The following CABIN1 variants were observed in gnomAD, a reference collection of about 807,000 sequenced individuals.
The protein encoded by CABIN1 is calcineurin binding protein 1, also known as calcineurin-binding protein cabin-1.
Under a neutral mutation model 227.7 loss-of-function variants are expected in CABIN1, and 133 were observed. The observed-to-expected ratio is 0.58, with a 90% CI of 0.51 to 0.67. The LOEUF (loss-of-function observed/expected upper bound fraction) is 0.67. Ranked by LOEUF, CABIN1 falls within the 30% of genes least tolerant of loss-of-function variation. CABIN1 has a pLI of 0.00. For synonymous variants in CABIN1, 1,086 were observed against 1,155.1 expected (o/e 0.94, Z 1.21); for missense variants, 2,408 against 2,852.5 (o/e 0.84, Z 3.55).
At position 24,064,080 on chromosome 22, in the gene CABIN1, A is replaced by G; in HGVS notation, c.1930A>G (p.Met644Val). Residue 644 changes from methionine to valine, a missense_variant, in exon 15 of 37, where the codon ATG becomes GTG. Around this residue, in one of 3 missense-constraint regions of CABIN1, gnomAD observed 1,045 missense variants for 1,168.4 expected, o/e 0.89. Coordinates refer to ENST00000263119, the MANE Select transcript of CABIN1 (RefSeq NM_012295.4). ...GGAGAACTATGACATCTGCACAGAA[A>G]TGCTCCAGAGTTCCACCGCCATCCA... is the stretch of plus-strand genomic sequence containing the variant. ...ALENYDICTEMLQSSTAIQVE... is the reference protein window; with the variant it reads ...ALENYDICTEVLQSSTAIQVE... 6.2e-7 allele frequency: 1 copy of G among 1,614,216 alleles called. No homozygotes were observed. The highest frequency in any genetic ancestry group is 8.5e-7 in the Non-Finnish European group (1 of 1,180,028).
At chr22:24,075,878 A>T (rs762526248) in intron 18 of CABIN1, among the ~76,000 whole-genome samples, 1 of 152,170 alleles carries the variant, frequency 6.6e-6, no homozygotes, top group Non-Finnish European at 1.5e-5. Context: ...GGTTCACCAG[A>T]TGTCAGCATT....
At chr22:24,056,563 C>T in intron 10 of CABIN1, 2 of 596,086 alleles carry the variant, frequency 3.4e-6, no homozygotes, top group Non-Finnish European at 5.9e-6. Context: ...TCTGAAATTC[C>T]TGAAGTCAGG....
rs1458649377 is a variant in CABIN1 at position 24,087,480 on chromosome 22, G to A, written c.3292G>A (p.Ala1098Thr). 1 of 1,613,980 alleles carries A rather than the reference G, an allele frequency of 6.2e-7. No individual in the cohort carries two copies. The highest frequency in any genetic ancestry group is 1.7e-5 in the Admixed American group (1 of 60,026). Residue 1098 changes from alanine (A) to threonine (T), a missense_variant, in exon 23 of 37, where the codon GCC (alanine) becomes ACC (threonine). Transcript: ENST00000263119. ...RFDSWAGMAL[A>T]RASRIQDKLN... The stretch of plus-strand genomic sequence containing the variant: ...TGATTCCTGGGCAGGCATGGCTCTG[G>A]CCCGGGCCAGCCGCATTCAGGACAA...
chr22:24,126,648 T>C (rs1602231176), intron 28 of CABIN1, among the ~76,000 whole-genome samples: 1 of 152,238 alleles, frequency 6.6e-6, no homozygotes, highest in African/African-American at 2.4e-5. Context: ...TCAGAGGCTT[T>C]CAGGGCAAGT....
At chr22:24,090,749 TCA>T (rs2041492245) in intron 23 of CABIN1, among the ~76,000 whole-genome samples, 1 of 152,058 alleles carries the variant, frequency 6.6e-6, no homozygotes, top group Non-Finnish European at 1.5e-5. Flanking sequence ...TCATCCCCTC[TCA>T]CTGGCCCCTG....
chr22:24,061,393 T>G (rs970042844), intron 12 of CABIN1, among the ~76,000 whole-genome samples: 7 of 152,240 alleles, frequency 4.6e-5, no homozygotes, highest in African/African-American at 1.7e-4. Context: ...AGTCATCCCT[T>G]GGTGGGCACC....
At chr22:24,154,773 TG>T (rs1343563314) in intron 29 of CABIN1, among the ~76,000 whole-genome samples, 1 of 152,140 alleles carries the variant, frequency 6.6e-6, no homozygotes, top group East Asian at 1.9e-4. Flanking sequence ...AGGTTGGACC[TG>T]GGGCTGATTT....
intron 9 of CABIN1, 87 bp from the exon 10 acceptor site, chr22:24,056,105 A>C: frequency 8.7e-7 from 1 of 1,148,078 alleles, no homozygotes; most frequent in Non-Finnish European, 1.3e-6. Flanking sequence ...TAGTAGATTT[A>C]TAAAAGAGGG....
intron 1 of CABIN1, among the ~76,000 whole-genome samples, chr22:24,012,214 C>T (rs1163426730): frequency 6.6e-6 from 1 of 152,070 alleles, no homozygotes; most frequent in Non-Finnish European, 1.5e-5. Context: ...AGTGTGGATA[C>T]AGCCAAAGAC....
At chr22:24,043,570 G>A (rs1232806796) in intron 6 of CABIN1, among the ~76,000 whole-genome samples, 1 of 151,978 alleles carries the variant, frequency 6.6e-6, no homozygotes, top group Non-Finnish European at 1.5e-5. Flanking sequence ...TGGGCAACAT[G>A]GTGAAACCCT....
At chr22:24,082,926 C>T (rs2040903361) in intron 19 of CABIN1, among the ~76,000 whole-genome samples, 1 of 152,184 alleles carries the variant, frequency 6.6e-6, no homozygotes. Flanking sequence ...TCCCAGGAGG[C>T]AAATATCTTC....
chr22:24,033,645 G>C (rs182475852), intron 1 of CABIN1, among the ~76,000 whole-genome samples: 1 of 152,050 alleles, frequency 6.6e-6, no homozygotes, highest in African/African-American at 2.4e-5. Flanking sequence ...CCAGTTCCTC[G>C]GGCCAGCCTC....
At chr22:24,121,660 C>G (rs1262489663) in intron 28 of CABIN1, among the ~76,000 whole-genome samples, 3 of 152,262 alleles carry the variant, frequency 2.0e-5, no homozygotes, top group Non-Finnish European at 2.9e-5. Flanking sequence ...CTGATATGAA[C>G]TCTGTTGGGC....
chr22:24,147,882 G>T (rs2045250144), intron 29 of CABIN1, among the ~76,000 whole-genome samples: 1 of 152,140 alleles, frequency 6.6e-6, no homozygotes, highest in Non-Finnish European at 1.5e-5. Context: ...TGCAAGCGGA[G>T]GTGTGGGACC....
At chr22:24,162,307 G>C (rs2046203091) in intron 29 of CABIN1, 1 of 152,470 alleles carries the variant, frequency 6.6e-6, no homozygotes, top group East Asian at 1.9e-4. Flanking sequence ...TGGGATCCTG[G>C]GGCCCATCTG....
At chr22:24,118,384 T>C (rs1276641607) in intron 27 of CABIN1, among the ~76,000 whole-genome samples, 2 of 152,126 alleles carry the variant, frequency 1.3e-5, no homozygotes, top group Non-Finnish European at 2.9e-5. Context: ...CAGATAGGCT[T>C]CGACTTAGCA....
At chr22:24,176,077 G>C (rs370328153) in intron 34 of CABIN1, 34 bp from the exon 35 acceptor site, 160 of 1,600,568 alleles carry the variant, frequency 1.0e-4, no homozygotes, top group Non-Finnish European at 1.3e-4. Flanking sequence ...GGGTGGATGA[G>C]TCTATTACCT....
At position 24,067,702 on chromosome 22, in the gene CABIN1, C is replaced by G. The variant is rs575859493; in HGVS notation, c.2232+521C>G. Among the ~76,000 whole-genome samples, 10 of 152,304 alleles carry G rather than the reference C, an allele frequency of 6.6e-5. No homozygotes were observed. The East Asian group carries it at 1.3e-3, about 21-fold the overall frequency. On this transcript the variant is annotated intron_variant, in intron 16 of 36. Transcript: ENST00000263119. Reference sequence around the variant, plus strand: ...CTCTTACCAAGAGCCTGCCAGGGAACTGGCAGCTGCTGGGTGCTGGGCAGT... The same window carrying G: ...CTCTTACCAAGAGCCTGCCAGGGAAGTGGCAGCTGCTGGGTGCTGGGCAGT...
At chr22:24,136,502 G>T (rs1222445136) in intron 29 of CABIN1, among the ~76,000 whole-genome samples, 4 of 137,706 alleles carry the variant, frequency 2.9e-5, no homozygotes, top group Non-Finnish European at 4.6e-5. Context: ...GGTCCACACT[G>T]CCACGCCCAG....
Sources: allele counts gnomAD v4.1 joint callset (sites outside exome capture counted in the v4.1 genomes callset), GRCh38; gene constraint gnomAD v4.1.1; regional missense constraint gnomAD v4.1.1; transcripts MANE v1.5; gene names NCBI Gene and HGNC (gene_info 2026-07-23, HGNC 2026-07-21).